The following TBC1D4 variants were observed in gnomAD, a reference collection of about 807,000 sequenced individuals.
TBC1D4 encodes the protein TBC1 domain family member 4, also known as TBC (Tre-2, BUB2, CDC16) domain-containing protein.
A neutral mutation model predicts 142.5 loss-of-function variants in TBC1D4; 121 were observed. The ratio of observed to expected loss-of-function variants is 0.85; its 90% CI spans 0.73 to 0.99. TBC1D4 has a LOEUF of 0.99. Ranked by LOEUF, TBC1D4 falls within the 50% of genes least tolerant of loss-of-function variation. The pLI is 0.00. For synonymous variants in TBC1D4, 630 were observed against 628.2 expected (o/e 1.00, Z -0.04); for missense variants, 1,475 against 1,606.6 (o/e 0.92, Z 1.40).
intron 1 of TBC1D4, among the ~76,000 whole-genome samples, chr13:75,428,432 A>G (rs1477067047): frequency 1.3e-5 from 2 of 152,204 alleles, no homozygotes; most frequent in Non-Finnish European, 2.9e-5. Flanking sequence ...TCATATTTGG[A>G]TTAAATACAG....
At chr13:75,360,523 G>A (rs1253975323) in intron 2 of TBC1D4, among the ~76,000 whole-genome samples, 2 of 49,896 alleles carry the variant, frequency 4.0e-5, no homozygotes. Flanking sequence ...ATGACAGAGC[G>A]AGACCCTGTC....
intron 1 of TBC1D4, among the ~76,000 whole-genome samples, chr13:75,474,771 T>C (rs1363768216): frequency 6.6e-6 from 1 of 151,750 alleles, no homozygotes; most frequent in Non-Finnish European, 1.5e-5. Context: ...CAAGTAGCTG[T>C]GATTACAGGC....
At chr13:75,469,067 C>T (rs1888284942) in intron 1 of TBC1D4, among the ~76,000 whole-genome samples, 1 of 152,174 alleles carries the variant, frequency 6.6e-6, no homozygotes, top group East Asian at 1.9e-4. Flanking sequence ...TGCAATTTAA[C>T]AGAGAACTGA....
intron 1 of TBC1D4, among the ~76,000 whole-genome samples, chr13:75,383,554 G>GTACA (rs1487734372): frequency 3.9e-5 from 6 of 152,152 alleles, no homozygotes; most frequent in African/African-American, 1.4e-4. Context: ...GTTACCTGCA[G>GTACA]TACAGTACAA....
Position 75,457,419 on chromosome 13 carries a change from C to A in TBC1D4, c.498+23851G>T, listed in dbSNP as rs1457310879. On this transcript the variant is annotated intron_variant, in intron 1 of 20. Transcript: ENST00000377636. ...TAGACACCTATAGTGCCCACATGAA[C>A]AGCCTGACAACCAAAAGTGTCTCCA... Among the ~76,000 whole-genome samples the A allele has an allele frequency of 2.6e-5, 4 of 152,234 alleles. No homozygotes were observed. The East Asian group carries it at 7.7e-4, about 29-fold the overall frequency.
intron 16 of TBC1D4, 115 bp from the exon 17 acceptor site, chr13:75,299,689 T>G: frequency 5.3e-6 from 7 of 1,325,144 alleles, no homozygotes; most frequent in Non-Finnish European, 7.4e-6. Flanking sequence ...CCCAAACCAG[T>G]GAGAGTTGCT....
At chr13:75,468,967 G>C (rs1888280828) in intron 1 of TBC1D4, among the ~76,000 whole-genome samples, 2 of 152,148 alleles carry the variant, frequency 1.3e-5, no homozygotes, top group Admixed American at 1.3e-4. Flanking sequence ...TTTTAAACGA[G>C]TTAAGTGTCA....
chr13:75,290,698 A>G (rs983175530), intron 19 of TBC1D4, among the ~76,000 whole-genome samples: 2 of 152,210 alleles, frequency 1.3e-5, no homozygotes, highest in Admixed American at 6.5e-5. Context: ...TTAATATAAT[A>G]AGAGTTCATA....
intron 1 of TBC1D4, among the ~76,000 whole-genome samples, chr13:75,447,162 G>C (rs1242691901): frequency 6.6e-6 from 1 of 152,146 alleles, no homozygotes; most frequent in Non-Finnish European, 1.5e-5. Flanking sequence ...GAAATAACTG[G>C]AGGATATTTA....
At chr13:75,323,626 A>C (rs900004093) in intron 11 of TBC1D4, among the ~76,000 whole-genome samples, 1 of 152,138 alleles carries the variant, frequency 6.6e-6, no homozygotes. Context: ...AATGTTCACA[A>C]GATTCAAGAG....
At chr13:75,289,331 T>C (rs1045963042) in intron 19 of TBC1D4, among the ~76,000 whole-genome samples, 4 of 152,128 alleles carry the variant, frequency 2.6e-5, no homozygotes, top group African/African-American at 9.7e-5. Flanking sequence ...TGAAAGAAGA[T>C]TTTCTTTAAA....
At chr13:75,438,648 T>C (rs957260917) in intron 1 of TBC1D4, among the ~76,000 whole-genome samples, 7 of 152,202 alleles carry the variant, frequency 4.6e-5, no homozygotes, top group Admixed American at 1.3e-4. Context: ...TGGAAAACTT[T>C]TATAATATTA....
intron 1 of TBC1D4, among the ~76,000 whole-genome samples, chr13:75,458,514 C>A (rs544004321): frequency 3.9e-5 from 6 of 152,146 alleles, no homozygotes; most frequent in Non-Finnish European, 8.8e-5. Flanking sequence ...CCATTTAAGG[C>A]CATGGGTTTC....
chr13:75,332,078 T>A (rs1214798312), intron 8 of TBC1D4, among the ~76,000 whole-genome samples: 1 of 152,196 alleles, frequency 6.6e-6, no homozygotes, highest in African/African-American at 2.4e-5. Context: ...GCTGAAAATG[T>A]CATTACAGCA....
chr13:75,291,554 C>A (rs1442421154), intron 19 of TBC1D4, among the ~76,000 whole-genome samples: 2 of 152,140 alleles, frequency 1.3e-5, no homozygotes, highest in African/African-American at 4.8e-5. Flanking sequence ...AAGACTGATA[C>A]ACCAAGTCTC....
Position 75,337,158 on chromosome 13 carries a change from T to C in TBC1D4, c.1612-118A>G. ...CACAAGAATTCTTCAGTAGCTCTAT[T>C]AATAAGTAATAATTTAGGTCCCACA... On this transcript the variant is annotated intron_variant, in intron 7 of 20. Coordinates refer to ENST00000377636, the MANE Select transcript of TBC1D4 (RefSeq NM_014832.5). 4 of 878,658 alleles carry C rather than the reference T, an allele frequency of 4.6e-6. No homozygotes were observed. The South Asian group carries it at 6.1e-5, about 14-fold the overall frequency. 54.4% of individuals were successfully genotyped at this position (878,658 alleles called of 1,614,324 possible). A position where few individuals can be genotyped will look rare whatever the true frequency, so the allele number is the denominator to read the frequency against.
At chr13:75,361,474 C>T (rs2138168818) in intron 2 of TBC1D4, among the ~76,000 whole-genome samples, 1 of 152,242 alleles carries the variant, frequency 6.6e-6, no homozygotes. Flanking sequence ...TCCGACTCCC[C>T]AGTTCAAGCA....
intron 1 of TBC1D4, among the ~76,000 whole-genome samples, chr13:75,427,543 GAAAA>G (rs1320069356): frequency 2.0e-5 from 3 of 152,068 alleles, no homozygotes; most frequent in Non-Finnish European, 4.4e-5. Flanking sequence ...TATTAAAATA[GAAAA>G]AGAAAAAAGA....
intron 1 of TBC1D4, among the ~76,000 whole-genome samples, chr13:75,464,902 G>A (rs1370017192): frequency 2.0e-5 from 3 of 152,178 alleles, no homozygotes; most frequent in African/African-American, 7.2e-5. Context: ...ACCCAATCTA[G>A]AGTAAGTTTC....
Sources: gnomAD v4.1 joint callset for allele counts (sites outside exome capture counted in the v4.1 genomes callset) on GRCh38, gnomAD v4.1.1 for gene constraint, MANE v1.5 for transcripts, NCBI Gene and HGNC (gene_info 2026-07-23, HGNC 2026-07-21) for gene names.